TMCC3: variants seen among roughly 807,000 people sequenced by gnomAD.
TMCC3 encodes the protein transmembrane and coiled-coil domain protein 3.
A neutral mutation model predicts 40.2 loss-of-function variants in TMCC3; 28 were observed. The ratio of observed to expected loss-of-function variants is 0.70; its 90% CI spans 0.52 to 0.95. The LOEUF is 0.95. TMCC3 is among the 40% of genes least tolerant of loss of function. TMCC3 has a pLI of 0.00. For synonymous variants in TMCC3, 255 were observed against 248.5 expected (o/e 1.03, Z -0.25); for missense variants, 554 against 615.2 (o/e 0.90, Z 1.05).
chr12:94,640,214 T>C (rs562865442), intron 1 of TMCC3, among the ~76,000 whole-genome samples: 30 of 152,198 alleles, frequency 2.0e-4, no homozygotes, highest in Non-Finnish European at 3.4e-4. Context: ...ATCACCCAGG[T>C]TGGAGTGCAC....
intron 1 of TMCC3, among the ~76,000 whole-genome samples, chr12:94,582,897 C>G (rs143067488): frequency 1.7e-4 from 26 of 151,236 alleles, no homozygotes; most frequent in African/African-American, 5.8e-4. Context: ...ATACCACATT[C>G]ACTGGGAACT....
At chr12:94,609,066 A>G (rs2068800100) in intron 1 of TMCC3, among the ~76,000 whole-genome samples, 1 of 152,050 alleles carries the variant, frequency 6.6e-6, no homozygotes, top group Non-Finnish European at 1.5e-5. Context: ...AGTCTCTACA[A>G]AAAATTTAAA....
At chr12:94,604,765 T>C (rs1296523) in intron 1 of TMCC3, among the ~76,000 whole-genome samples, 125,236 of 142,224 alleles carry the variant, frequency 0.88, 55,489 homozygotes, top group Non-Finnish European at 0.93. Context: ...GATTGTGCCA[T>C]TGCACTTCAG....
chr12:94,590,754 C>T (rs547683618), intron 1 of TMCC3: 2 of 400,876 alleles, frequency 5.0e-6, no homozygotes, highest in African/African-American at 2.1e-5. Context: ...TGTGTCCTCA[C>T]GCTTCCGGAG....
At chr12:94,621,185 C>T (rs2068873983) in intron 1 of TMCC3, among the ~76,000 whole-genome samples, 1 of 152,206 alleles carries the variant, frequency 6.6e-6, no homozygotes, top group Non-Finnish European at 1.5e-5. Context: ...TATGAACAAA[C>T]TATTGCAGTA....
chr12:94,581,663 T>A lies in TMCC3; in HGVS notation c.954A>T (p.Glu318Asp), dbSNP rs148465801. Residue 318 changes from glutamate (E) to aspartate (D), a missense_variant, in exon 2 of 4, where the codon GAA (glutamate) becomes GAT (aspartate). Coordinates refer to ENST00000261226, the MANE Select transcript of TMCC3 (RefSeq NM_020698.4). Reference sequence around the variant, plus strand: ...GCAGGGTCTGAGAAATAAAACCATATTCTCTCTTAAACTGCACCTTCAGTG... The same window carrying A: ...GCAGGGTCTGAGAAATAAAACCATAATCTCTCTTAAACTGCACCTTCAGTG... ...IEALKVQFKR[E>D]YGFISQTLQE... The A allele has an allele frequency of 6.2e-7, 1 of 1,604,636 alleles. No homozygotes were observed. Among genetic ancestry groups the A allele is most frequent in the Non-Finnish European group, 8.5e-7 (1 of 1,173,074 alleles).
chr12:94,595,620 T>C (rs1486067695), intron 1 of TMCC3, among the ~76,000 whole-genome samples: 5 of 152,194 alleles, frequency 3.3e-5, no homozygotes, highest in Non-Finnish European at 7.4e-5. Flanking sequence ...ATTTGCAGTA[T>C]AGAATTTTCT....
At chr12:94,648,220 T>TTTTA (rs201121413) in intron 1 of TMCC3, among the ~76,000 whole-genome samples, 25,753 of 149,526 alleles carry the variant, frequency 0.17, 2,339 homozygotes, top group African/African-American at 0.22. Flanking sequence ...AGTAGAATTG[T>TTTTA]TTTATTTATT....
chr12:94,609,234 T>G (rs1189577137), intron 1 of TMCC3, among the ~76,000 whole-genome samples: 1 of 151,604 alleles, frequency 6.6e-6, no homozygotes, highest in Non-Finnish European at 1.5e-5. Flanking sequence ...GTCTCCAAAA[T>G]TAAAAAAAGA....
At position 94,586,830 on chromosome 12, in the gene TMCC3, G is replaced by A. The variant is rs575743732; in HGVS notation, c.79-4292C>T. Among the ~76,000 whole-genome samples the A allele has an allele frequency of 2.6e-5, 4 of 152,354 alleles. No homozygotes were observed. In the South Asian group the frequency reaches 8.3e-4, roughly 32 times the overall value. On this transcript the variant is annotated intron_variant, in intron 1 of 3. Coordinates refer to ENST00000261226, the MANE Select transcript of TMCC3 (RefSeq NM_020698.4). ...TTTATGATTTAACAATGCTTTGCATGTTCTCAAGAGTCCAGGTTGGCGAAA... is the reference window on the plus strand; with the variant it reads ...TTTATGATTTAACAATGCTTTGCATATTCTCAAGAGTCCAGGTTGGCGAAA...
chr12:94,646,896 G>C (rs1042827288), intron 1 of TMCC3, among the ~76,000 whole-genome samples: 36 of 152,238 alleles, frequency 2.4e-4, no homozygotes, highest in African/African-American at 7.7e-4. Context: ...GAAGCTCGAA[G>C]AGCCAGAATA....
chr12:94,611,358 A>G (rs2068814798), intron 1 of TMCC3, among the ~76,000 whole-genome samples: 1 of 152,200 alleles, frequency 6.6e-6, no homozygotes, highest in African/African-American at 2.4e-5. Context: ...CTAATGTTAC[A>G]TCTTTCTTAA....
rs77286931 is a variant in TMCC3 at position 94,627,730 on chromosome 12, T to C, written c.78+22623A>G. Among the ~76,000 whole-genome samples the C allele has an allele frequency of 4.4e-3, 672 of 152,356 alleles. 8 individuals carry two copies. The highest frequency in any genetic ancestry group is 0.015 in the African/African-American group (618 of 41,580). ...ATGTTTCCCCTGACAAGAGCTTTCT[T>C]TGAGTGTCCTGTTTAAAACTTCTTC... On this transcript the variant is annotated intron_variant, in intron 1 of 3. Transcript: ENST00000261226.
chr12:94,643,975 C>A (rs2069004514), intron 1 of TMCC3, among the ~76,000 whole-genome samples: 3 of 152,210 alleles, frequency 2.0e-5, no homozygotes, highest in Admixed American at 2.0e-4. Context: ...TTGTGGAAGA[C>A]CAAGGAGATC....
intron 1 of TMCC3, among the ~76,000 whole-genome samples, chr12:94,623,845 T>A (rs1052201123): frequency 1.3e-5 from 2 of 152,188 alleles, no homozygotes; most frequent in African/African-American, 2.4e-5. Context: ...TGCAGTACCA[T>A]CGGCAAAGTA....
Position 94,629,254 on chromosome 12 carries a change from G to A in TMCC3, c.78+21099C>T, listed in dbSNP as rs140960524. ...CCTACAAACAACAAGAGACATCCCT[G>A]CAGGAGGGTCCAAGCAGGAAGGGAG... On this transcript the variant is annotated intron_variant, in intron 1 of 3. Coordinates refer to ENST00000261226, the MANE Select transcript of TMCC3 (RefSeq NM_020698.4). 3.7e-3 allele frequency among the ~76,000 whole-genome samples: 560 copies of A among 152,254 alleles called. 3 individuals are homozygous for A. The highest frequency in any genetic ancestry group is 6.6e-3 in the Non-Finnish European group (452 of 68,016).
intron 1 of TMCC3, among the ~76,000 whole-genome samples, chr12:94,619,319 T>G (rs1271020017): frequency 6.6e-6 from 1 of 152,218 alleles, no homozygotes; most frequent in East Asian, 1.9e-4. Context: ...CAGGGCTGCC[T>G]TACTTTCTTC....
At chr12:94,580,301 CT>C (rs1235390458) in intron 2 of TMCC3, among the ~76,000 whole-genome samples, 3 of 152,132 alleles carry the variant, frequency 2.0e-5, no homozygotes, top group Non-Finnish European at 4.4e-5. Context: ...AAAAGCCAGC[CT>C]ACAAAACATC....
intron 1 of TMCC3, chr12:94,644,432 A>C (rs946622359): frequency 1.0e-6 from 1 of 985,270 alleles, no homozygotes; most frequent in African/African-American, 1.7e-5. Context: ...GAGGGTCTGA[A>C]GCAAAATACA....
Sources: gnomAD v4.1 joint callset for allele counts (sites outside exome capture counted in the v4.1 genomes callset) on GRCh38, gnomAD v4.1.1 for gene constraint, MANE v1.5 for transcripts, NCBI Gene and HGNC (gene_info 2026-07-23, HGNC 2026-07-21) for gene names.